The following ZNF335 variants were observed in gnomAD, a reference collection of about 807,000 sequenced individuals.
The protein encoded by ZNF335 is NRC-interacting factor 1.
A neutral mutation model predicts 145.6 loss-of-function variants in ZNF335; 84 were observed. That is an observed-to-expected ratio of 0.58 (90% confidence interval 0.48 to 0.69). The LOEUF is 0.69. ZNF335 is among the 30% of genes least tolerant of loss of function. ZNF335 has a pLI of 0.00. For missense variants in ZNF335, 1,865 were observed against 1,809.7 expected (o/e 1.03, Z -0.55); for synonymous variants, 761 against 717.0 (o/e 1.06, Z -0.98).
In ZNF335 at chr20:45,952,223, T is replaced by C. The variant is rs753592259; in HGVS notation, c.3113A>G (p.Lys1038Arg). 2 of 1,613,202 alleles carry C rather than the reference T, an allele frequency of 1.2e-6. No homozygotes were observed. The highest frequency in any genetic ancestry group is 1.7e-6 in the Non-Finnish European group (2 of 1,180,008). ...GGCACCAGGCCCAGCGTGGGCCCGC[T>C]TGTGACTCTCCATCTCAGCTCGGCC... ...FPGRAEMESH[K>R]RAHAGPGAFK... Residue 1038 changes from lysine to arginine, a missense_variant, in exon 20 of 28, where the codon AAG becomes AGG. Physicochemically the swap from Lys to Arg is conservative, Grantham distance 26 (BLOSUM62 2). Coordinates refer to ENST00000322927, the MANE Select transcript of ZNF335 (RefSeq NM_022095.4).
rs2084021018 is a variant in ZNF335, at chr20:45,969,604, C to T, written c.289G>A (p.Ala97Thr). 6.2e-7 allele frequency: 1 copy of T among 1,608,708 alleles called. No individual in the cohort carries two copies. The highest frequency in any genetic ancestry group is 8.5e-7 in the Non-Finnish European group (1 of 1,176,030). Residue 97 changes from alanine (A) to threonine (T), a missense_variant, in exon 3 of 28, where the codon GCA becomes ACA. Ala to Thr is a moderately conservative substitution (Grantham distance 58, BLOSUM62 0). Coordinates refer to ENST00000322927, the MANE Select transcript of ZNF335 (RefSeq NM_022095.4). ...DSSSVSHGPV[A>T]GVTGGPPALV... ...GCTGGGGGACCGCCTGTCACCCCTG[C>T]CACTGGCCCATGAGACACAGACGAT...
rs1335916186 is a variant in ZNF335, at chr20:45,957,544, C to G, written c.2442+42G>C. 3 of 1,590,090 alleles carry G rather than the reference C, an allele frequency of 1.9e-6. No homozygotes were observed. The South Asian group carries it at 3.3e-5, about 18-fold the overall frequency. On this transcript the variant is annotated intron_variant, in intron 17 of 27. Transcript: ENST00000322927. ...CAGTGTCCAGTGCAGGGCTGGGTAC[C>G]TGCGGTAGCTGGGAAGGGGAGCAGG...
intron 24 of ZNF335, 59 bp from the exon 25 acceptor site, chr20:45,949,627 C>T: frequency 1.3e-6 from 2 of 1,534,608 alleles, no homozygotes; most frequent in South Asian, 2.4e-5. Flanking sequence ...TCGCCAGGAG[C>T]TTAGCTAAGA....
At chr20:45,958,044 T>A in intron 15 of ZNF335, 116 bp from the exon 16 acceptor site, 1 of 779,668 alleles carries the variant, frequency 1.3e-6, no homozygotes, top group Non-Finnish European at 2.1e-6. Context: ...TTCATCTTCA[T>A]AACCACTTTT....
At position 45,957,689 on chromosome 20, in the gene ZNF335, G is replaced by A. The variant is rs750786073; in HGVS notation, c.2348-9C>T. 3 of 1,614,024 alleles carry A rather than the reference G, an allele frequency of 1.9e-6. No individual in the cohort carries two copies. The South Asian group carries it at 3.3e-5, about 18-fold the overall frequency. ...TGTCGACTCCTCAGCTCCTGGGTGG[G>A]GTGGGACCTAAGCCTGACAAAGTGC... On this transcript the variant is annotated splice_polypyrimidine_tract_variant and intron_variant, in intron 16 of 27. Transcript: ENST00000322927.
At position 45,949,999 on chromosome 20, in the gene ZNF335, G is replaced by A. The variant is rs1181147860; in HGVS notation, c.3558C>T (p.Ile1186=). The change falls in exon 23 of 28, where the codon ATC becomes ATT. Residue 1186 remains isoleucine (I), a synonymous_variant. Coordinates refer to ENST00000322927, the MANE Select transcript of ZNF335 (RefSeq NM_022095.4). ...RLQQALSQEH[I]IVAQEQTVTN... ...TCACTGTCTGTTCCTGGGCAACGAT[G>A]ATGTGTTCCTGGCTCAGTGCCTGCT... The A allele has an allele frequency of 2.5e-6, 4 of 1,614,050 alleles. No individual in the cohort carries two copies. The African/African-American group carries it at 5.3e-5, about 22-fold the overall frequency.
chr20:45,970,734 G>A (rs2084043538), intron 2 of ZNF335, among the ~76,000 whole-genome samples: 1 of 150,524 alleles, frequency 6.6e-6, no homozygotes, highest in Non-Finnish European at 1.5e-5. Context: ...GCAGGACCCA[G>A]TCTTAACCCA....
At chr20:45,954,012 C>T in intron 17 of ZNF335, 64 bp from the exon 18 acceptor site, 1 of 1,503,602 alleles carries the variant, frequency 6.7e-7, no homozygotes, top group South Asian at 1.3e-5. Flanking sequence ...ATGCAAGACG[C>T]CTCCCCCATC....
Position 45,948,888 on chromosome 20 carries a change from C to A in ZNF335, c.*65G>T. 1.2e-6 allele frequency: 2 copies of A among 1,610,794 alleles called. No homozygotes were observed. The highest frequency in any genetic ancestry group is 8.5e-7 in the Non-Finnish European group (1 of 1,178,970). ...TCCTAAATGAAGAGGGAGGTGAGTC[C>A]TGGTGGCCCCCTACCCCCAGGAGAG... On this transcript the variant is annotated 3_prime_UTR_variant, in exon 28 of 28. Coordinates refer to ENST00000322927, the MANE Select transcript of ZNF335 (RefSeq NM_022095.4).
intron 4 of ZNF335, 70 bp from the exon 5 acceptor site, chr20:45,968,097 C>G: frequency 6.3e-7 from 1 of 1,590,916 alleles, no homozygotes; most frequent in Non-Finnish European, 8.6e-7. Context: ...TATAGCTACC[C>G]CTCCCAGGCA....
rs770725579 is a variant in ZNF335 at position 45,968,038 on chromosome 20, G to T, written c.521-11C>A. 5 of 1,612,320 alleles carry T rather than the reference G, an allele frequency of 3.1e-6. No homozygotes were observed. The highest frequency in any genetic ancestry group is 4.2e-6 in the Non-Finnish European group (5 of 1,179,974). ...ATGTCATGGGGGCTCCTGGGGATGG[G>T]TGAGGCAATTGGAGGGTGGTTAAAT... On this transcript the variant is annotated splice_polypyrimidine_tract_variant and intron_variant, in intron 4 of 27. Transcript: ENST00000322927.
chr20:45,969,671 G>C lies in ZNF335; in HGVS notation c.222C>G (p.Ser74Arg), dbSNP rs1359966537. 73 of 1,611,632 alleles carry C rather than the reference G, an allele frequency of 4.5e-5. No homozygotes were observed. The highest frequency in any genetic ancestry group is 6.0e-5 in the Non-Finnish European group (71 of 1,179,132). The change falls in exon 3 of 28, where the codon AGC (serine) becomes AGG (arginine). Residue 74 changes from serine (S) to arginine (R), a missense_variant. By Grantham distance (110) the Ser-to-Arg change is moderately radical. Transcript: ENST00000322927. ...TATTAGGCAGGGGGTCTGCGCTCGA[G>C]CTGCTCTCAGATACCTCCTCCTGAG... is the stretch of plus-strand genomic sequence containing the variant. ...SRSQEEVSES[S>R]SSADPLPNSY... is the part of the protein sequence containing the mutation.
intron 6 of ZNF335, among the ~76,000 whole-genome samples, chr20:45,966,124 C>A (rs1353045414): frequency 6.6e-6 from 1 of 152,172 alleles, no homozygotes; most frequent in East Asian, 1.9e-4. Context: ...AAAACAGCTG[C>A]CACCAGCCAT....
In ZNF335 at chr20:45,969,699, G is replaced by A. The variant is rs1186727122; in HGVS notation, c.202-8C>T. On this transcript the variant is annotated splice_region_variant and splice_polypyrimidine_tract_variant and intron_variant, in intron 2 of 27. Coordinates refer to ENST00000322927, the MANE Select transcript of ZNF335 (RefSeq NM_022095.4). ...GCTCTCAGATACCTCCTCCTGAGGG[G>A]CATGAAACAGGGAGGGAAAAAGTTT... 2 of 1,609,650 alleles carry A rather than the reference G, an allele frequency of 1.2e-6. No individual in the cohort carries two copies. The highest frequency in any genetic ancestry group is 8.5e-7 in the Non-Finnish European group (1 of 1,178,382).
chr20:45,959,189 C>T lies in ZNF335; in HGVS notation c.2253+12G>A. The stretch of plus-strand genomic sequence containing the variant: ...CCTCACTCTGTCATCCTGACCCATG[C>T]CCCGACCTTACCTCAGGAGGTCCTG... On this transcript the variant is annotated intron_variant, in intron 15 of 27. Transcript: ENST00000322927. The T allele has an allele frequency of 1.5e-6, 2 of 1,362,756 alleles. No homozygotes were observed. The highest frequency in any genetic ancestry group is 1.9e-6 in the Non-Finnish European group (2 of 1,044,682). The allele number at this position is 1,362,756 out of a possible 1,614,324, so 84.4% of individuals were successfully genotyped here.
At chr20:45,951,820 G>A (rs2083638032) in intron 20 of ZNF335, among the ~76,000 whole-genome samples, 1 of 152,204 alleles carries the variant, frequency 6.6e-6, no homozygotes, top group Admixed American at 6.5e-5. Context: ...ACACACTTCT[G>A]TGCCTTTGCT....
intron 20 of ZNF335, among the ~76,000 whole-genome samples, chr20:45,951,536 T>A (rs1379246662): frequency 6.6e-6 from 1 of 152,258 alleles, no homozygotes; most frequent in African/African-American, 2.4e-5. Flanking sequence ...GGGATGAAGT[T>A]GTTGCACCTC....
chr20:45,948,987 A>C lies in ZNF335; in HGVS notation c.3995T>G (p.Ile1332Ser). ...GGCCAGGGTGATGACGTCGTACTCG[A>C]TGCCCTGGTGCTGCAGCTGTTGAAT... ...EHIQQLQHQG[I>S]EYDVITLADD Residue 1332 changes from isoleucine (I) to serine (S), a missense_variant, in exon 28 of 28, where the codon ATC becomes AGC. Physicochemically the swap from Ile to Ser is moderately radical, Grantham distance 142 (BLOSUM62 -2). Transcript: ENST00000322927. 1.2e-6 allele frequency: 2 copies of C among 1,613,896 alleles called. No homozygotes were observed. Among genetic ancestry groups the C allele is most frequent in the Non-Finnish European group, 1.7e-6 (2 of 1,180,026 alleles).
Position 45,950,363 on chromosome 20 carries a change from T to C in ZNF335, c.3343A>G (p.Asn1115Asp). ...CHLCGQRFNR[N>D]GHLKFHIQRL... is the part of the protein sequence containing the mutation. ...TGGATGTGGAACTTGAGGTGCCCGT[T>C]ACGGTTGAAACTGAGGGGGATGAAA... The change falls in exon 22 of 28, where the codon AAC becomes GAC. Residue 1115 changes from asparagine to aspartate, a missense_variant. Coordinates refer to ENST00000322927, the MANE Select transcript of ZNF335 (RefSeq NM_022095.4). 6.3e-7 allele frequency: 1 copy of C among 1,596,320 alleles called. No individual in the cohort carries two copies. The highest frequency in any genetic ancestry group is 8.6e-7 in the Non-Finnish European group (1 of 1,168,822).
Sources: allele counts gnomAD v4.1 joint callset (sites outside exome capture counted in the v4.1 genomes callset), GRCh38; gene constraint gnomAD v4.1.1; transcripts MANE v1.5; gene names NCBI Gene and HGNC (gene_info 2026-07-23, HGNC 2026-07-21).